Variants in LAMP1 observed in about 807,000 individuals in gnomAD.
The protein encoded by LAMP1 is lysosome associated membrane protein 1, also known as lysosome-associated membrane glycoprotein 1.
LAMP1 carries 7 observed loss-of-function variants against 37.5 expected under a neutral mutation model. The observed-to-expected ratio is 0.19, with a 90% CI of 0.11 to 0.35. The LOEUF is 0.35. Ranked by LOEUF, LAMP1 falls within the 10% of genes least tolerant of loss-of-function variation. The pLI, the probability that LAMP1 is intolerant of heterozygous loss-of-function variation, is 1.00. For missense variants in LAMP1, 537 were observed against 552.8 expected (o/e 0.97, Z 0.29); for synonymous variants, 236 against 229.1 (o/e 1.03, Z -0.27).
chr13:113,317,600 A>G lies in LAMP1; in HGVS notation c.563-1869A>G, dbSNP rs572371165. Among the ~76,000 whole-genome samples the G allele has an allele frequency of 4.6e-5, 7 of 152,146 alleles. No homozygotes were observed. In the South Asian group the frequency reaches 1.5e-3, roughly 32 times the overall value. On this transcript the variant is annotated intron_variant, in intron 4 of 8. Coordinates refer to ENST00000332556, the MANE Select transcript of LAMP1 (RefSeq NM_005561.4). ...TTTTCTGTGCGTCGTGTGGCCATCT[A>G]GACTAGAATTTGGACAAGACTGGCC...
intron 4 of LAMP1, 111 bp downstream of exon 4, chr13:113,310,978 C>T (rs1002297108): frequency 3.1e-5 from 27 of 860,960 alleles, no homozygotes; most frequent in Non-Finnish European, 4.7e-5. Flanking sequence ...GCCTGGAACG[C>T]GTGTGCACAC....
At chr13:113,304,070 T>C (rs780051192) in intron 1 of LAMP1, among the ~76,000 whole-genome samples, 1 of 150,786 alleles carries the variant, frequency 6.6e-6, no homozygotes, top group Non-Finnish European at 1.5e-5. Flanking sequence ...CTCTAAAAAA[T>C]AAAAATAAAA....
chr13:113,306,109 A>C lies in LAMP1; in HGVS notation c.62-376A>C, dbSNP rs2042596849. The C allele has an allele frequency of 1.7e-5, 3 of 174,712 alleles. No homozygotes were observed. In the South Asian group the frequency reaches 3.5e-4, roughly 21 times the overall value. 10.8% of individuals were successfully genotyped at this position (174,712 alleles called of 1,614,324 possible). A position where few individuals can be genotyped will look rare whatever the true frequency, so the allele number is the denominator to read the frequency against. ...TGCAGTGGCTGACACCTATAATCCC[A>C]GCACCTTGGGAGGCCAAGGTGGGTG... On this transcript the variant is annotated intron_variant, in intron 1 of 8. Coordinates refer to ENST00000332556, the MANE Select transcript of LAMP1 (RefSeq NM_005561.4).
In LAMP1 at chr13:113,322,418, C is replaced by T. The variant is rs756724237; in HGVS notation, c.1251C>T (p.Ile417=). 7 of 1,609,384 alleles carry T rather than the reference C, an allele frequency of 4.3e-6. No homozygotes were observed. The highest frequency in any genetic ancestry group is 5.9e-6 in the Non-Finnish European group (7 of 1,176,542). Reference sequence around the variant, plus strand: ...GGAGTCACGCAGGCTACCAGACTATCTAGCCTGGTGCACGCAGGCACAGCA... The same window carrying T: ...GGAGTCACGCAGGCTACCAGACTATTTAGCCTGGTGCACGCAGGCACAGCA... ...RKRSHAGYQT[I] is the part of the protein sequence containing the mutation. Residue 417 remains isoleucine (I), a synonymous_variant, in exon 9 of 9, where the codon ATC becomes ATT. Transcript: ENST00000332556.
chr13:113,316,355 G>A (rs2042663988), intron 4 of LAMP1, among the ~76,000 whole-genome samples: 1 of 151,862 alleles, frequency 6.6e-6, no homozygotes, highest in Non-Finnish European at 1.5e-5. Flanking sequence ...TCAGAGGACT[G>A]CCTGACTCCT....
At chr13:113,316,815 A>G (rs1407090440) in intron 4 of LAMP1, among the ~76,000 whole-genome samples, 2 of 150,356 alleles carry the variant, frequency 1.3e-5, no homozygotes, top group East Asian at 4.0e-4. Context: ...GGTTGCAGTG[A>G]GCTGAGATGG....
In LAMP1 at chr13:113,320,596, T is replaced by A; in HGVS notation, c.876+126T>A. ...CGGCCTCACTTTTTTCTGCCTTCCC[T>A]TTATCCTGGGCTTTTTAGTTCCTTG... On this transcript the variant is annotated intron_variant, in intron 6 of 8. Transcript: ENST00000332556. The surrounding 1 kb of genome is among the most constrained non-coding windows in gnomAD (Gnocchi z 4.4). 1 of 977,564 alleles carries A rather than the reference T, an allele frequency of 1.0e-6. No individual in the cohort carries two copies. The highest frequency in any genetic ancestry group is 1.5e-6 in the Non-Finnish European group (1 of 673,586). The allele number at this position is 977,564 out of a possible 1,614,324, so 60.6% of individuals were successfully genotyped here. A position where few individuals can be genotyped will look rare whatever the true frequency, so the allele number is the denominator to read the frequency against.
intron 2 of LAMP1, 32 bp from the exon 3 acceptor site, chr13:113,309,611 A>T: frequency 6.5e-7 from 1 of 1,529,388 alleles, no homozygotes; most frequent in Non-Finnish European, 9.0e-7. Context: ...CCTGCATCCC[A>T]ATTGGGTTAC....
Position 113,316,673 on chromosome 13 carries a change from G to A in LAMP1, c.563-2796G>A, listed in dbSNP as rs1344457499. On this transcript the variant is annotated intron_variant, in intron 4 of 8. Coordinates refer to ENST00000332556, the MANE Select transcript of LAMP1 (RefSeq NM_005561.4). ...CCTGACCTCGTGATCCGCCCGCCTC[G>A]GCCTCCCAAAGTGCTGGGATTACAG... 2.6e-5 allele frequency among the ~76,000 whole-genome samples: 4 copies of A among 152,002 alleles called. No individual in the cohort carries two copies. The East Asian group carries it at 5.8e-4, about 22-fold the overall frequency.
In LAMP1 at chr13:113,320,131, G is replaced by A. The variant is rs1173218120; in HGVS notation, c.751-214G>A. On this transcript the variant is annotated intron_variant, in intron 5 of 8. Transcript: ENST00000332556. The surrounding 1 kb of genome is among the most constrained non-coding windows in gnomAD (Gnocchi z 4.4). ...GGTGGTGCTGCTGGTTGCCCTCCAC[G>A]CGGGGACGCTGCACTCCAAGAGCAG... 1.3e-5 allele frequency among the ~76,000 whole-genome samples: 2 copies of A among 152,160 alleles called. No individual in the cohort carries two copies. Among genetic ancestry groups the A allele is most frequent in the Admixed American group, 6.6e-5 (1 of 15,266 alleles).
At chr13:113,301,645 ATATATATATATATATATATATAT>A (rs1451259292) in intron 1 of LAMP1, among the ~76,000 whole-genome samples, 3 of 770 alleles carry the variant, frequency 3.9e-3, no homozygotes, top group Non-Finnish European at 0.015. Context: ...AAAAAAAAAA[ATATATATATATATATATATATAT>A]ATATATATAT....
intron 4 of LAMP1, among the ~76,000 whole-genome samples, chr13:113,312,765 G>A (rs1488359349): frequency 6.6e-6 from 1 of 152,182 alleles, no homozygotes; most frequent in Non-Finnish European, 1.5e-5. Context: ...CATGGGCCGC[G>A]TGTGTCTGAG....
chr13:113,322,368 A>G lies in LAMP1; in HGVS notation c.1201A>G (p.Ile401Val). ...GGCGGGGCTGGTCCTCATCGTCCTC[A>G]TCGCCTACCTCGTCGGCAGGAAGAG... is the stretch of plus-strand genomic sequence containing the variant. ...ALAGLVLIVL[I>V]AYLVGRKRSH... Residue 401 changes from isoleucine to valine, a missense_variant, in exon 9 of 9, where the codon ATC (isoleucine) becomes GTC (valine). Coordinates refer to ENST00000332556, the MANE Select transcript of LAMP1 (RefSeq NM_005561.4). 1 of 1,613,734 alleles carries G rather than the reference A, an allele frequency of 6.2e-7. No homozygotes were observed. The highest frequency in any genetic ancestry group is 8.5e-7 in the Non-Finnish European group (1 of 1,179,848).
At position 113,322,463 on chromosome 13, in the gene LAMP1, C is replaced by A. The variant is rs1331765320; in HGVS notation, c.*42C>A. 2.6e-6 allele frequency: 4 copies of A among 1,567,970 alleles called. No homozygotes were observed. Among genetic ancestry groups the A allele is most frequent in the Admixed American group, 1.8e-5 (1 of 55,984 alleles). On this transcript the variant is annotated 3_prime_UTR_variant, in exon 9 of 9. Coordinates refer to ENST00000332556, the MANE Select transcript of LAMP1 (RefSeq NM_005561.4). ...ACAGCAGCTGCAGGGGCCTCTGTTC[C>A]TTTCTCTGGGCTTAGGGTCCTGTCG...
chr13:113,304,964 T>C (rs2042591279), intron 1 of LAMP1: 1 of 152,192 alleles, frequency 6.6e-6, no homozygotes, highest in Non-Finnish European at 1.5e-5. Flanking sequence ...GGCAGCACCT[T>C]TTCTTTATGG....
At position 113,303,329 on chromosome 13, in the gene LAMP1, T is replaced by C. The variant is rs183938802; in HGVS notation, c.62-3156T>C. On this transcript the variant is annotated intron_variant, in intron 1 of 8. Coordinates refer to ENST00000332556, the MANE Select transcript of LAMP1 (RefSeq NM_005561.4). Reference sequence around the variant, plus strand: ...GAATTTCTCCCAAGTGGGGGTATTTTGAAGCCACAGTTACTCCTTTATGTG... The same window carrying C: ...GAATTTCTCCCAAGTGGGGGTATTTCGAAGCCACAGTTACTCCTTTATGTG... Among the ~76,000 whole-genome samples, 136 of 152,316 alleles carry C rather than the reference T, an allele frequency of 8.9e-4. 1 individual carries two copies. The highest frequency in any genetic ancestry group is 2.5e-3 in the Admixed American group (38 of 15,302).
intron 2 of LAMP1, among the ~76,000 whole-genome samples, chr13:113,309,265 T>A (rs1402699394): frequency 1.3e-5 from 2 of 151,884 alleles, no homozygotes; most frequent in Non-Finnish European, 2.9e-5. Flanking sequence ...CATGTCTGAT[T>A]AGTTTATTTT....
intron 1 of LAMP1, among the ~76,000 whole-genome samples, chr13:113,299,096 A>T (rs2042557290): frequency 6.6e-6 from 1 of 152,102 alleles, no homozygotes; most frequent in Non-Finnish European, 1.5e-5. Flanking sequence ...GCTGAGATCA[A>T]GCCACTGCAC....
rs142942946 is a variant in LAMP1 at position 113,297,600 on chromosome 13, C to T, written c.61+105C>T. ...CCGGGTCGTTGTCCCGCGGGTCGCC[C>T]CGCACCCACTGCTCCTGGTCCCGGC... On this transcript the variant is annotated intron_variant, in intron 1 of 8. Coordinates refer to ENST00000332556, the MANE Select transcript of LAMP1 (RefSeq NM_005561.4). This position sits in a 1 kb window ranked among gnomAD's most constrained non-coding sequence, Gnocchi z 4.4. The T allele has an allele frequency of 1.3e-4, 135 of 1,060,692 alleles. No individual in the cohort carries two copies. In the African/African-American group the frequency reaches 2.0e-3, roughly 16 times the overall value. 65.7% of individuals were successfully genotyped at this position (1,060,692 alleles called of 1,614,324 possible).
Sources: allele counts gnomAD v4.1 joint callset (sites outside exome capture counted in the v4.1 genomes callset), GRCh38; gene constraint gnomAD v4.1.1; non-coding constraint Gnocchi (gnomAD v3.1); transcripts MANE v1.5; gene names NCBI Gene and HGNC (gene_info 2026-07-23, HGNC 2026-07-21).